Variants in ANOS1 observed in about 807,000 individuals in gnomAD.
The protein encoded by ANOS1 is anosmin-1.
In ANOS1, 6 loss-of-function variants were observed where a neutral mutation model predicts 59.0. The observed-to-expected ratio is 0.10, with a 90% confidence interval of 0.06 to 0.20. The LOEUF is 0.20. Among genes scored for constraint, ANOS1 ranks in the 10% least tolerant of loss-of-function variants. The pLI is 1.00. For missense variants in ANOS1, 433 were observed against 542.3 expected (o/e 0.80, Z 2.00); for synonymous variants, 217 against 223.4 (o/e 0.97, Z 0.25).
chrX:8,596,106 C>T (rs763124106), intron 4 of ANOS1, among the ~76,000 whole-genome samples: 16 of 111,074 alleles, frequency 1.4e-4, no homozygotes, highest in South Asian at 3.9e-4. Context: ...TTCTACGTGA[C>T]GGTGAGTTGT....
intron 6 of ANOS1, among the ~76,000 whole-genome samples, chrX:8,581,471 T>G (rs1346715741): frequency 2.7e-5 from 3 of 111,883 alleles, no homozygotes; most frequent in African/African-American, 9.8e-5. Context: ...AATTTACATT[T>G]CCATATGTCT....
intron 2 of ANOS1, among the ~76,000 whole-genome samples, chrX:8,667,128 C>T (rs1454360944): frequency 9.0e-6 from 1 of 111,685 alleles, no homozygotes; most frequent in Admixed American, 9.6e-5. Context: ...GCTGTCCCAT[C>T]AGGTGCTCAG....
At chrX:8,547,385 C>T (rs1797067890) in intron 9 of ANOS1, among the ~76,000 whole-genome samples, 1 of 111,968 alleles carries the variant, frequency 8.9e-6, no homozygotes, top group Admixed American at 9.5e-5. Flanking sequence ...TGTTCATCTT[C>T]CCTGGCCAAA....
chrX:8,565,901 G>A (rs1268488397), intron 8 of ANOS1: 1 of 523,895 alleles, frequency 1.9e-6, no homozygotes, highest in Non-Finnish European at 2.3e-6. Context: ...TCAAAGAGTG[G>A]TCAGGGTGGG....
At chrX:8,713,581 T>C (rs888626635) in intron 1 of ANOS1, among the ~76,000 whole-genome samples, 8 of 110,845 alleles carry the variant, frequency 7.2e-5, no homozygotes, top group African/African-American at 2.6e-4. Context: ...CGAAATACAC[T>C]CCAAATGTCT....
At chrX:8,592,384 T>G (rs1199650801) in intron 4 of ANOS1, among the ~76,000 whole-genome samples, 1 of 112,346 alleles carries the variant, frequency 8.9e-6, no homozygotes, top group Admixed American at 9.5e-5. Context: ...AAATATTAAA[T>G]TAACTCTATG....
intron 3 of ANOS1, among the ~76,000 whole-genome samples, chrX:8,604,668 T>C (rs1601974493): frequency 8.9e-6 from 1 of 112,153 alleles, no homozygotes; most frequent in Non-Finnish European, 1.9e-5. Flanking sequence ...TAGAGACCAC[T>C]GAGGGTAACT....
chrX:8,601,831 T>G (rs1020066490), intron 3 of ANOS1, among the ~76,000 whole-genome samples: 23 of 112,497 alleles, frequency 2.0e-4, no homozygotes, highest in African/African-American at 7.4e-4. Context: ...AATTTGTGTC[T>G]TTTTTTCTTT....
At chrX:8,667,871 T>C (rs1045399597) in intron 2 of ANOS1, among the ~76,000 whole-genome samples, 11 of 110,540 alleles carry the variant, frequency 1.0e-4, no homozygotes, top group Non-Finnish European at 9.5e-5. Flanking sequence ...AGAGCATGAA[T>C]TGTAGAGCCA....
At chrX:8,564,736 G>T (rs1390911780) in intron 8 of ANOS1, among the ~76,000 whole-genome samples, 1 of 110,929 alleles carries the variant, frequency 9.0e-6, no homozygotes, top group Non-Finnish European at 1.9e-5. Flanking sequence ...ATGGACATAA[G>T]AATAGATATG....
At chrX:8,584,431 TA>T (rs34310260) in intron 6 of ANOS1, among the ~76,000 whole-genome samples, 10,033 of 110,846 alleles carry the variant, frequency 0.091, 417 homozygotes, top group Admixed American at 0.13. Flanking sequence ...TGTTTGTTTT[TA>T]AAAAAAAGAG....
intron 8 of ANOS1, among the ~76,000 whole-genome samples, chrX:8,554,546 T>TG (rs1288166888): frequency 0.024 from 2,130 of 86,996 alleles, 78 homozygotes; most frequent in African/African-American, 0.097. Context: ...ACAGGAGTTT[T>TG]TTTTTTTTTT....
At chrX:8,568,501 T>C in intron 7 of ANOS1, 125 bp from the exon 8 acceptor site, 1 of 657,818 alleles carries the variant, frequency 1.5e-6, no homozygotes, top group Admixed American at 2.6e-5. Flanking sequence ...AACTTTTCTA[T>C]ATCTTTGGGA....
chrX:8,572,550 T>G (rs1212086537), intron 6 of ANOS1, among the ~76,000 whole-genome samples: 1 of 112,297 alleles, frequency 8.9e-6, no homozygotes, highest in African/African-American at 3.2e-5. Context: ...GGCATTTGGG[T>G]TCATTCCATG....
At chrX:8,538,904 C>G (rs1242248550) in intron 10 of ANOS1, among the ~76,000 whole-genome samples, 1 of 111,978 alleles carries the variant, frequency 8.9e-6, no homozygotes, top group African/African-American at 3.2e-5. Flanking sequence ...ATGTTCAAAA[C>G]AAAAATATTC....
chrX:8,720,950 G>T (rs1305288035), intron 1 of ANOS1, among the ~76,000 whole-genome samples: 2 of 111,348 alleles, frequency 1.8e-5, no homozygotes, highest in Non-Finnish European at 3.8e-5. Flanking sequence ...AATTTGTAAA[G>T]AAAGTAATTG....
intron 9 of ANOS1, among the ~76,000 whole-genome samples, chrX:8,547,605 G>A (rs947906410): frequency 8.9e-6 from 1 of 112,168 alleles, no homozygotes; most frequent in Non-Finnish European, 1.9e-5. Flanking sequence ...TCTCTTATCC[G>A]TTATTGTATT....
chrX:8,618,897 C>A (rs1931223535), intron 3 of ANOS1, among the ~76,000 whole-genome samples: 1 of 108,485 alleles, frequency 9.2e-6, no homozygotes, highest in African/African-American at 3.4e-5. Flanking sequence ...GAGGGGGAAA[C>A]CCCATCTCTA....
At chrX:8,616,196 C>T (rs768475625) in intron 3 of ANOS1, among the ~76,000 whole-genome samples, 2 of 111,225 alleles carry the variant, frequency 1.8e-5, no homozygotes, top group Non-Finnish European at 3.8e-5. Context: ...CTCCCTGTCG[C>T]AGAATCCGAT....
Sources: allele counts gnomAD v4.1 joint callset (sites outside exome capture counted in the v4.1 genomes callset), GRCh38; gene constraint gnomAD v4.1.1; transcripts MANE v1.5; gene names NCBI Gene and HGNC (gene_info 2026-07-23, HGNC 2026-07-21).